Variants in PCDHGB6 observed in about 807,000 individuals in gnomAD.
PCDHGB6 encodes the protein protocadherin gamma subfamily B, 6.
A neutral mutation model predicts 59.1 loss-of-function variants in PCDHGB6; 51 were observed. That is an observed-to-expected ratio of 0.86 (90% CI 0.69 to 1.09). The LOEUF is 1.09. PCDHGB6 is among the 50% of genes least tolerant of loss of function. PCDHGB6 has a pLI of 0.00. For synonymous variants in PCDHGB6, 466 were observed against 495.1 expected (o/e 0.94, Z 0.78); for missense variants, 1,148 against 1,205.1 (o/e 0.95, Z 0.70).
At chr5:141,438,627 TATATATATAC>T (rs572501359) in intron 1 of PCDHGB6, among the ~76,000 whole-genome samples, 778 of 47,938 alleles carry the variant, frequency 0.016, 4 homozygotes, top group East Asian at 0.059. Context: ...TATATATATA[TATATATATAC>T]ACACACACAC....
intron 1 of PCDHGB6, among the ~76,000 whole-genome samples, chr5:141,469,449 C>A (rs1017174114): frequency 2.0e-5 from 3 of 151,846 alleles, no homozygotes; most frequent in African/African-American, 7.3e-5. Context: ...GTGGTGCACA[C>A]CTGTAGTCTC....
intron 1 of PCDHGB6, among the ~76,000 whole-genome samples, chr5:141,438,587 CATACATATATATATATATATATATATAT>C (rs1267620600): frequency 1.4e-5 from 1 of 73,428 alleles, no homozygotes; most frequent in Non-Finnish European, 2.6e-5. Context: ...TACATACATA[CATACATATATATATATATATATATATAT>C]ATATATATAT....
At chr5:141,448,069 T>G (rs1184496754) in intron 1 of PCDHGB6, among the ~76,000 whole-genome samples, 1 of 151,202 alleles carries the variant, frequency 6.6e-6, no homozygotes, top group African/African-American at 2.4e-5. Context: ...CTGGGCAACA[T>G]GAACGAAATG....
Position 141,419,025 on chromosome 5 carries a change from G to T in PCDHGB6, c.2418+8405G>T, listed in dbSNP as rs2096315076. 6.2e-6 allele frequency: 10 copies of T among 1,613,736 alleles called. No homozygotes were observed. In the East Asian group the frequency reaches 2.0e-4, roughly 32 times the overall value. On this transcript the variant is annotated intron_variant, in intron 1 of 3. Transcript: ENST00000520790. ...GAAGTCAGGTGTAGCTTAAGTAGAG[G>T]TGTTCCATTTAAGATTCATTCTTCT...
At chr5:141,468,849 G>C (rs1349849817) in intron 1 of PCDHGB6, among the ~76,000 whole-genome samples, 2 of 152,058 alleles carry the variant, frequency 1.3e-5, no homozygotes, top group East Asian at 3.9e-4. Flanking sequence ...CTGGGCAACA[G>C]AGCGAGACTC....
At chr5:141,497,077 G>A (rs191605427) in intron 2 of PCDHGB6, among the ~76,000 whole-genome samples, 4 of 151,990 alleles carry the variant, frequency 2.6e-5, no homozygotes, top group East Asian at 3.9e-4. Flanking sequence ...TAATCCCAGC[G>A]ACTTAGGAGG....
chr5:141,467,993 C>A (rs984508296), intron 1 of PCDHGB6, among the ~76,000 whole-genome samples: 1 of 152,058 alleles, frequency 6.6e-6, no homozygotes, highest in Admixed American at 6.6e-5. Context: ...AACCACAATT[C>A]TTTCTTCCTC....
intron 3 of PCDHGB6, among the ~76,000 whole-genome samples, chr5:141,509,776 C>T (rs898626809): frequency 7.2e-5 from 11 of 152,140 alleles, no homozygotes; most frequent in African/African-American, 9.7e-5. Context: ...GTCTAGTCCC[C>T]GAGATCATCA....
intron 1 of PCDHGB6, among the ~76,000 whole-genome samples, chr5:141,457,984 A>G (rs1210742359): frequency 2.0e-5 from 3 of 152,226 alleles, no homozygotes; most frequent in Non-Finnish European, 1.5e-5. Context: ...ACACCCTTTC[A>G]GTTAAAGCCT....
At position 141,415,363 on chromosome 5, in the gene PCDHGB6, C is replaced by T. The variant is rs62378454; in HGVS notation, c.2418+4743C>T. 7,186 of 1,614,240 alleles carry T rather than the reference C, an allele frequency of 4.5e-3. 30 individuals carry two copies. Among genetic ancestry groups the T allele is most frequent in the South Asian group, 5.6e-3 (509 of 91,092 alleles). Reference sequence around the variant, plus strand: ...GCGCTGGCACAAGTCACGCCTGCTGCAGGCTTCAGGAGGCGGCTTGACAGG... The same window carrying T: ...GCGCTGGCACAAGTCACGCCTGCTGTAGGCTTCAGGAGGCGGCTTGACAGG... On this transcript the variant is annotated intron_variant, in intron 1 of 3. Transcript: ENST00000520790.
chr5:141,485,275 G>T lies in PCDHGB6; in HGVS notation c.2419-9532G>T, dbSNP rs77402299. ...ACGTTTGTGGGCAGATCCGCTACCC[G>T]GTCCCAGAGGAGTCACAGGAAGGGA... is the stretch of plus-strand genomic sequence containing the variant. On this transcript the variant is annotated intron_variant, in intron 1 of 3. Coordinates refer to ENST00000520790, the MANE Select transcript of PCDHGB6 (RefSeq NM_018926.3). The surrounding 1 kb of genome is among the most constrained non-coding windows in gnomAD (Gnocchi z 5.7). 1.1e-5 allele frequency: 18 copies of T among 1,614,072 alleles called. No individual in the cohort carries two copies. The South Asian group carries it at 1.4e-4, about 13-fold the overall frequency.
In PCDHGB6 at chr5:141,431,913, T is replaced by C; in HGVS notation, c.2418+21293T>C. The C allele has an allele frequency of 6.2e-7, 1 of 1,614,140 alleles. No individual in the cohort carries two copies. Among genetic ancestry groups the C allele is most frequent in the Admixed American group, 1.7e-5 (1 of 60,034 alleles). On this transcript the variant is annotated intron_variant, in intron 1 of 3. Transcript: ENST00000520790. This position sits in a 1 kb window ranked among gnomAD's most constrained non-coding sequence, Gnocchi z 4.8. The stretch of plus-strand genomic sequence containing the variant: ...GAGGAAAACGGACAGGTGATCTGTT[T>C]CATCCAAGGAAATCTGCCCTTTAAA...
chr5:141,437,617 C>G (rs570138576), intron 1 of PCDHGB6, among the ~76,000 whole-genome samples: 1 of 152,220 alleles, frequency 6.6e-6, no homozygotes, highest in South Asian at 2.1e-4. Context: ...CTGCTTTATC[C>G]CCATATAAGA....
Position 141,476,091 on chromosome 5 carries a change from G to T in PCDHGB6, c.2419-18716G>T, listed in dbSNP as rs1470774975. The T allele has an allele frequency of 1.3e-6, 2 of 1,563,074 alleles. No homozygotes were observed. Among genetic ancestry groups the T allele is most frequent in the Non-Finnish European group, 1.7e-6 (2 of 1,159,286 alleles). On this transcript the variant is annotated intron_variant, in intron 1 of 3. Coordinates refer to ENST00000520790, the MANE Select transcript of PCDHGB6 (RefSeq NM_018926.3). This position sits in a 1 kb window ranked among gnomAD's most constrained non-coding sequence, Gnocchi z 7.6. ...AAATCTCAGGGACGATCTGGACCCC[G>T]CTGAGAGGAACTGCTTTTGAGTGAG...
Position 141,431,364 on chromosome 5 carries a change from G to T in PCDHGB6, c.2418+20744G>T, listed in dbSNP as rs773688069. 3 of 1,613,892 alleles carry T rather than the reference G, an allele frequency of 1.9e-6. No individual in the cohort carries two copies. The East Asian group carries it at 6.7e-5, about 36-fold the overall frequency. ...TTGGTGCTGAAACGCGCCCTGGACC[G>T]CGAAGAAAAGGCTGCTCACCACCTG... On this transcript the variant is annotated intron_variant, in intron 1 of 3. Coordinates refer to ENST00000520790, the MANE Select transcript of PCDHGB6 (RefSeq NM_018926.3). The surrounding 1 kb of genome is among the most constrained non-coding windows in gnomAD (Gnocchi z 4.8).
chr5:141,486,012 A>C lies in PCDHGB6; in HGVS notation c.2419-8795A>C. The C allele has an allele frequency of 1.9e-6, 3 of 1,614,064 alleles. No homozygotes were observed. The highest frequency in any genetic ancestry group is 2.5e-6 in the Non-Finnish European group (3 of 1,179,984). On this transcript the variant is annotated intron_variant, in intron 1 of 3. Coordinates refer to ENST00000520790, the MANE Select transcript of PCDHGB6 (RefSeq NM_018926.3). The surrounding 1 kb of genome is among the most constrained non-coding windows in gnomAD (Gnocchi z 5.0). ...GGTCCCAGTGGTAACGTCACCTTTT[A>C]TTTCAGTGGTCATACCCCTGATCGT...
chr5:141,508,979 G>C (rs1317798009), intron 3 of PCDHGB6, among the ~76,000 whole-genome samples: 1 of 152,110 alleles, frequency 6.6e-6, no homozygotes, highest in Admixed American at 6.5e-5. Context: ...GCTGGGGGTG[G>C]GGGCCAGCTG....
At chr5:141,420,215 A>G in intron 1 of PCDHGB6, 2 of 1,612,096 alleles carry the variant, frequency 1.2e-6, no homozygotes, top group South Asian at 1.1e-5. Context: ...CAAAGATAGC[A>G]TGCTACTGGC....
chr5:141,485,995 T>G lies in PCDHGB6; in HGVS notation c.2419-8812T>G. 1 of 1,614,176 alleles carries G rather than the reference T, an allele frequency of 6.2e-7. No individual in the cohort carries two copies. On this transcript the variant is annotated intron_variant, in intron 1 of 3. Transcript: ENST00000520790. The surrounding 1 kb of genome is among the most constrained non-coding windows in gnomAD (Gnocchi z 5.7). ...CCTCAGACCCGGACCTGGGTCCCAG[T>G]GGTAACGTCACCTTTTATTTCAGTG...
Sources: allele counts gnomAD v4.1 joint callset (sites outside exome capture counted in the v4.1 genomes callset), GRCh38; gene constraint gnomAD v4.1.1; non-coding constraint Gnocchi (gnomAD v3.1); transcripts MANE v1.5; gene names NCBI Gene and HGNC (gene_info 2026-07-23, HGNC 2026-07-21).